BICC1: variants seen among roughly 807,000 people sequenced by gnomAD.
BICC1 encodes the protein BicC family RNA binding protein 1.
A neutral mutation model predicts 111.0 loss-of-function variants in BICC1; 43 were observed. The ratio of observed to expected loss-of-function variants is 0.39; its 90% CI spans 0.30 to 0.50. BICC1 has a LOEUF of 0.50. BICC1 is among the 20% of genes least tolerant of loss of function. BICC1 has a pLI of 0.88. For missense variants in BICC1, 1,091 were observed against 1,203.2 expected (o/e 0.91, Z 1.38); for synonymous variants, 467 against 434.4 (o/e 1.07, Z -0.93).
intron 2 of BICC1, among the ~76,000 whole-genome samples, chr10:58,664,899 T>G (rs1355112287): frequency 6.6e-6 from 1 of 152,170 alleles, no homozygotes; most frequent in African/African-American, 2.4e-5. Context: ...GTTGCTGTAG[T>G]TACCTTGAGT....
intron 3 of BICC1, among the ~76,000 whole-genome samples, chr10:58,750,212 G>C (rs796854704): frequency 4.3e-4 from 66 of 152,250 alleles, no homozygotes; most frequent in African/African-American, 1.3e-3. Flanking sequence ...GCGAGTGAGA[G>C]AGAAGACTGT....
chr10:58,556,722 A>T (rs1341772726), intron 1 of BICC1, among the ~76,000 whole-genome samples: 1 of 152,118 alleles, frequency 6.6e-6, no homozygotes, highest in Non-Finnish European at 1.5e-5. Context: ...AACAATCTTA[A>T]ATTACTAAGT....
chr10:58,562,365 A>G (rs1843629620), intron 1 of BICC1, among the ~76,000 whole-genome samples: 1 of 152,020 alleles, frequency 6.6e-6, no homozygotes, highest in South Asian at 2.1e-4. Flanking sequence ...AATTCTTCCT[A>G]GAAAAATCAG....
chr10:58,683,143 C>G (rs890398368), intron 2 of BICC1, among the ~76,000 whole-genome samples: 2 of 152,144 alleles, frequency 1.3e-5, no homozygotes, highest in African/African-American at 4.8e-5. Context: ...ATAGGGAATC[C>G]TTTCCCCATT....
chr10:58,515,145 C>G (rs1291612224), intron 1 of BICC1, among the ~76,000 whole-genome samples: 1 of 152,138 alleles, frequency 6.6e-6, no homozygotes, highest in Non-Finnish European at 1.5e-5. Context: ...TTTGAAGGCT[C>G]TTTTGTATTA....
At chr10:58,686,296 C>G (rs929389363) in intron 2 of BICC1, among the ~76,000 whole-genome samples, 2 of 152,158 alleles carry the variant, frequency 1.3e-5, no homozygotes, top group Admixed American at 6.6e-5. Context: ...CTGCCCTTAA[C>G]ATTTTTTCCT....
intron 3 of BICC1, among the ~76,000 whole-genome samples, chr10:58,738,473 C>T (rs1168355673): frequency 6.6e-6 from 1 of 152,128 alleles, no homozygotes; most frequent in Non-Finnish European, 1.5e-5. Flanking sequence ...CAGTACCATG[C>T]TGTTTTGGTT....
intron 3 of BICC1, among the ~76,000 whole-genome samples, chr10:58,735,865 T>C (rs1366900793): frequency 2.0e-5 from 3 of 152,236 alleles, no homozygotes; most frequent in African/African-American, 7.2e-5. Flanking sequence ...TACCTCATTC[T>C]TAGCTCGACC....
chr10:58,758,115 G>C (rs1273447867), intron 3 of BICC1, among the ~76,000 whole-genome samples: 1 of 152,076 alleles, frequency 6.6e-6, no homozygotes, highest in Non-Finnish European at 1.5e-5. Flanking sequence ...TGAATGATTA[G>C]GCTTCTGTGA....
At chr10:58,650,511 T>G (rs10740744) in intron 2 of BICC1, 150,231 of 152,298 alleles carry the variant, frequency 0.99, 74,127 homozygotes, top group Middle Eastern at 1. Flanking sequence ...TTCAACTGTT[T>G]GGACTATGTG....
intron 1 of BICC1, among the ~76,000 whole-genome samples, chr10:58,522,158 C>T (rs1269218780): frequency 6.6e-6 from 1 of 151,652 alleles, no homozygotes; most frequent in Non-Finnish European, 1.5e-5. Context: ...TATATTCTTG[C>T]GGAGGGCAAT....
intron 2 of BICC1, among the ~76,000 whole-genome samples, chr10:58,633,223 G>A (rs965227207): frequency 6.6e-6 from 1 of 152,186 alleles, no homozygotes; most frequent in Non-Finnish European, 1.5e-5. Flanking sequence ...CTTCCACCAC[G>A]ATTGTGAGGC....
chr10:58,700,615 A>G (rs1313273548), intron 2 of BICC1, among the ~76,000 whole-genome samples: 3 of 152,182 alleles, frequency 2.0e-5, no homozygotes, highest in African/African-American at 7.2e-5. Flanking sequence ...TCAATTTTTA[A>G]TAGAGACATA....
chr10:58,682,986 G>A (rs1839586860), intron 2 of BICC1, among the ~76,000 whole-genome samples: 1 of 152,142 alleles, frequency 6.6e-6, no homozygotes, highest in South Asian at 2.1e-4. Context: ...GTATTGCCTA[G>A]GTTTTCTTCT....
At position 58,569,924 on chromosome 10, in the gene BICC1, G is replaced by A. The variant is rs574810780; in HGVS notation, c.191-50931G>A. Among the ~76,000 whole-genome samples, 48 of 152,254 alleles carry A rather than the reference G, an allele frequency of 3.2e-4. 4 individuals are homozygous for A. The South Asian group carries it at 9.7e-3, about 31-fold the overall frequency. The stretch of plus-strand genomic sequence containing the variant: ...ATATACCCAGTAATGGAATTGCTGG[G>A]TCAAATGGTATTTCTGGTTCTAGAT... On this transcript the variant is annotated intron_variant, in intron 1 of 20. Coordinates refer to ENST00000373886, the MANE Select transcript of BICC1 (RefSeq NM_001080512.3).
chr10:58,679,258 GA>G (rs1222773413), intron 2 of BICC1, among the ~76,000 whole-genome samples: 1 of 152,018 alleles, frequency 6.6e-6, no homozygotes, highest in African/African-American at 2.4e-5. Context: ...CTGGTTTTTT[GA>G]AAAGATCAAC....
chr10:58,683,100 T>A (rs1589015667), intron 2 of BICC1, among the ~76,000 whole-genome samples: 1 of 152,226 alleles, frequency 6.6e-6, no homozygotes. Context: ...TTTCTACATA[T>A]GGCTAGCCAG....
intron 1 of BICC1, among the ~76,000 whole-genome samples, chr10:58,514,848 A>G (rs894348204): frequency 2.0e-5 from 3 of 152,230 alleles, no homozygotes; most frequent in African/African-American, 7.2e-5. Context: ...GTTTATGATT[A>G]TAAAACAAAA....
At chr10:58,640,723 C>A (rs1838097356) in intron 2 of BICC1, among the ~76,000 whole-genome samples, 1 of 152,068 alleles carries the variant, frequency 6.6e-6, no homozygotes, top group Non-Finnish European at 1.5e-5. Context: ...ATGGAGCAAA[C>A]ATAAATTTCA....
Sources: gnomAD v4.1 joint callset for allele counts (sites outside exome capture counted in the v4.1 genomes callset) on GRCh38, gnomAD v4.1.1 for gene constraint, MANE v1.5 for transcripts, NCBI Gene and HGNC (gene_info 2026-07-23, HGNC 2026-07-21) for gene names.